Variants in CACNA1D observed in about 807,000 individuals in gnomAD.
CACNA1D encodes the protein calcium voltage-gated channel subunit alpha1 D.
A neutral mutation model predicts 257.1 loss-of-function variants in CACNA1D; 55 were observed. That is an observed-to-expected ratio of 0.21 (90% CI 0.17 to 0.27). CACNA1D has a LOEUF of 0.27. CACNA1D is among the 10% of genes least tolerant of loss of function. The pLI is 1.00. For synonymous variants in CACNA1D, 980 were observed against 1,014.9 expected, an observed-to-expected ratio of 0.97 and a Z score of 0.65; for missense variants, 1,876 against 2,784.0, an observed-to-expected ratio of 0.67 and a Z score of 7.34.
At chr3:53,565,371 G>A (rs2092816219) in intron 3 of CACNA1D, among the ~76,000 whole-genome samples, 1 of 152,030 alleles carries the variant, frequency 6.6e-6, no homozygotes, top group Non-Finnish European at 1.5e-5. Context: ...TACACACATT[G>A]GGGCTTTGGA....
At chr3:53,527,024 G>T (rs1471860153) in intron 3 of CACNA1D, among the ~76,000 whole-genome samples, 1 of 152,202 alleles carries the variant, frequency 6.6e-6, no homozygotes, top group Non-Finnish European at 1.5e-5. Context: ...GTGTTAGAAA[G>T]CTCTCAAACA....
chr3:53,556,534 G>T (rs561988967), intron 3 of CACNA1D, among the ~76,000 whole-genome samples: 1 of 152,152 alleles, frequency 6.6e-6, no homozygotes, highest in African/African-American at 2.4e-5. Flanking sequence ...TTTGCCACCT[G>T]TTTATTATTA....
rs1214857085 is a variant in CACNA1D, at chr3:53,793,543, T to C, written c.4923+6591T>C. On this transcript the variant is annotated intron_variant, in intron 40 of 47. Coordinates refer to ENST00000350061, the MANE Select transcript of CACNA1D (RefSeq NM_001128840.3). This position sits in a 1 kb window ranked among gnomAD's most constrained non-coding sequence, Gnocchi z 4.1. The stretch of plus-strand genomic sequence containing the variant: ...GCGATTCAAGTGGGCGGCGTTTCCA[T>C]GTGCCTTCTCCACGCTCCTCAAATA... 3.3e-5 allele frequency among the ~76,000 whole-genome samples: 5 copies of C among 152,224 alleles called. No homozygotes were observed. The highest frequency in any genetic ancestry group is 6.5e-5 in the Admixed American group (1 of 15,286).
chr3:53,627,631 T>A (rs1228514986), intron 3 of CACNA1D, among the ~76,000 whole-genome samples: 1 of 65,352 alleles, frequency 1.5e-5, no homozygotes, highest in African/African-American at 6.1e-5. Flanking sequence ...TGGGGGATGG[T>A]GGAAAAGGGA....
rs562467406 is a variant in CACNA1D, at chr3:53,655,348, G to T, written c.623+4430G>T. On this transcript the variant is annotated intron_variant, in intron 4 of 47. Coordinates refer to ENST00000350061, the MANE Select transcript of CACNA1D (RefSeq NM_001128840.3). ...GTGTGTACCCAGTAATGGGATTTCTGGGTCAAGTGGTAGTTCTGTTGTTAG... is the reference window on the plus strand; with the variant it reads ...GTGTGTACCCAGTAATGGGATTTCTTGGTCAAGTGGTAGTTCTGTTGTTAG... 2.6e-5 allele frequency among the ~76,000 whole-genome samples: 4 copies of T among 152,226 alleles called. No individual in the cohort carries two copies. The East Asian group carries it at 7.7e-4, about 29-fold the overall frequency.
At chr3:53,773,030 A>C in intron 33 of CACNA1D, 132 bp downstream of exon 33, 1 of 786,800 alleles carries the variant, frequency 1.3e-6, no homozygotes. Flanking sequence ...GAAGCCTAGG[A>C]AGATGAGAAA....
Position 53,751,711 on chromosome 3 carries a change from G to T in CACNA1D, c.3517-38G>T, listed in dbSNP as rs2095228028. 1 of 1,612,572 alleles carries T rather than the reference G, an allele frequency of 6.2e-7. No homozygotes were observed. The highest frequency in any genetic ancestry group is 8.5e-7 in the Non-Finnish European group (1 of 1,178,690). On this transcript the variant is annotated intron_variant, in intron 27 of 47. Coordinates refer to ENST00000350061, the MANE Select transcript of CACNA1D (RefSeq NM_001128840.3). This position sits in a 1 kb window ranked among gnomAD's most constrained non-coding sequence, Gnocchi z 4.3. ...CACGGGGTCCTCCTTCCCTGCAAGTGCTCAGAACCCCGTTTCTGCCCTTTT... is the reference window on the plus strand; with the variant it reads ...CACGGGGTCCTCCTTCCCTGCAAGTTCTCAGAACCCCGTTTCTGCCCTTTT...
Position 53,495,089 on chromosome 3 carries a change from C to T in CACNA1D, c.-78C>T, listed in dbSNP as rs2090288128. ...ACCGCGGCTCCTACCTCTTGGTGAT[C>T]CCCTTCCCCATTCCGCCCCCGCCTC... On this transcript the variant is annotated 5_prime_UTR_variant, in exon 1 of 48. Transcript: ENST00000350061. This position sits in a 1 kb window ranked among gnomAD's most constrained non-coding sequence, Gnocchi z 5.1. The T allele has an allele frequency of 2.0e-6, 2 of 1,013,156 alleles. No homozygotes were observed. The highest frequency in any genetic ancestry group is 2.5e-5 in the South Asian group (2 of 79,570). The allele number at this position is 1,013,156 out of a possible 1,614,324, so 62.8% of individuals were successfully genotyped here.
At chr3:53,548,115 C>G (rs894274858) in intron 3 of CACNA1D, among the ~76,000 whole-genome samples, 7 of 152,164 alleles carry the variant, frequency 4.6e-5, no homozygotes, top group Non-Finnish European at 8.8e-5. Context: ...TTACTTCTTT[C>G]TCTTGGTCCT....
chr3:53,513,121 G>A (rs148738197), intron 3 of CACNA1D, among the ~76,000 whole-genome samples: 1 of 152,278 alleles, frequency 6.6e-6, no homozygotes, highest in African/African-American at 2.4e-5. Context: ...ACTATAACTG[G>A]AGGCACAGTG....
chr3:53,573,577 C>G (rs769032446), intron 3 of CACNA1D, among the ~76,000 whole-genome samples: 2 of 152,196 alleles, frequency 1.3e-5, no homozygotes, highest in African/African-American at 2.4e-5. Context: ...TTATTTTTCT[C>G]CTTTGTGCTT....
At chr3:53,722,121 G>A (rs764586594) in intron 11 of CACNA1D, among the ~76,000 whole-genome samples, 193 bp from the exon 12 acceptor site, 9 of 152,152 alleles carry the variant, frequency 5.9e-5, no homozygotes, top group South Asian at 2.1e-4. Flanking sequence ...TTTAAAAGTC[G>A]CATTTTAAGA....
rs2094349024 is a variant in CACNA1D at position 53,673,877 on chromosome 3, GT to G, written c.1220+752del. The G allele has an allele frequency of 9.8e-7, 1 of 1,016,002 alleles. No individual in the cohort carries two copies. The allele number at this position is 1,016,002 out of a possible 1,614,324, so 62.9% of individuals were successfully genotyped here. A position where few individuals can be genotyped will look rare whatever the true frequency, so the allele number is the denominator to read the frequency against. On this transcript the variant is annotated intron_variant, in intron 8 of 47. Coordinates refer to ENST00000350061, the MANE Select transcript of CACNA1D (RefSeq NM_001128840.3). This position sits in a 1 kb window ranked among gnomAD's most constrained non-coding sequence, Gnocchi z 4.1. Reference sequence around the variant, plus strand: ...TGCCACGTGTGAGGCAACTCTGCGTGTCTCCTAGCTGCTCCCTGACAGCTTC... The same window carrying G: ...TGCCACGTGTGAGGCAACTCTGCGTGCTCCTAGCTGCTCCCTGACAGCTTC...
In CACNA1D at chr3:53,557,830, G is replaced by A. The variant is rs939076029; in HGVS notation, c.483+56110G>A. On this transcript the variant is annotated intron_variant, in intron 3 of 47. Coordinates refer to ENST00000350061, the MANE Select transcript of CACNA1D (RefSeq NM_001128840.3). ...GTTTCTTATTTCTCAAATTTTTGTCGTTCATTTTAATTCCTTTGTCTTTTC... is the reference window on the plus strand; with the variant it reads ...GTTTCTTATTTCTCAAATTTTTGTCATTCATTTTAATTCCTTTGTCTTTTC... 3.3e-5 allele frequency among the ~76,000 whole-genome samples: 5 copies of A among 152,056 alleles called. No individual in the cohort carries two copies. In the East Asian group the frequency reaches 7.7e-4, roughly 23 times the overall value.
chr3:53,722,752 G>A (rs1349466522), intron 12 of CACNA1D, among the ~76,000 whole-genome samples: 1 of 152,160 alleles, frequency 6.6e-6, no homozygotes, highest in Non-Finnish European at 1.5e-5. Flanking sequence ...AAGGGACCTC[G>A]TAATCCCTGC....
At chr3:53,654,022 A>G (rs1053481596) in intron 4 of CACNA1D, among the ~76,000 whole-genome samples, 10 of 152,210 alleles carry the variant, frequency 6.6e-5, no homozygotes, top group African/African-American at 2.4e-4. Context: ...AGTACTGGGG[A>G]AAAATGTCAA....
chr3:53,579,222 C>T (rs150692086), intron 3 of CACNA1D, among the ~76,000 whole-genome samples: 26 of 152,232 alleles, frequency 1.7e-4, no homozygotes, highest in African/African-American at 4.6e-4. Context: ...TCTCATTCAA[C>T]GAATGTGAAA....
At chr3:53,712,667 G>A (rs1484895837) in intron 9 of CACNA1D, among the ~76,000 whole-genome samples, 1 of 152,150 alleles carries the variant, frequency 6.6e-6, no homozygotes, top group Non-Finnish European at 1.5e-5. Context: ...CCCCTAGGAA[G>A]GCAGCCACAA....
chr3:53,596,238 A>T (rs1167381445), intron 3 of CACNA1D, among the ~76,000 whole-genome samples: 1 of 151,880 alleles, frequency 6.6e-6, no homozygotes, highest in Non-Finnish European at 1.5e-5. Flanking sequence ...TGTGACCTTC[A>T]TCCCCCCTCC....
Sources: gnomAD v4.1 joint callset for allele counts (sites outside exome capture counted in the v4.1 genomes callset) on GRCh38, gnomAD v4.1.1 for gene constraint, Gnocchi (gnomAD v3.1) non-coding constraint, MANE v1.5 for transcripts, NCBI Gene and HGNC (gene_info 2026-07-23, HGNC 2026-07-21) for gene names.